Variants in NCAPD2 observed in about 807,000 individuals in gnomAD.
The protein encoded by NCAPD2 is condensin complex subunit 1.
Under a neutral mutation model 164.5 loss-of-function variants are expected in NCAPD2, and 100 were observed. The ratio of observed to expected loss-of-function variants is 0.61; its 90% confidence interval spans 0.52 to 0.72. NCAPD2 has a LOEUF of 0.72. Ranked by LOEUF, NCAPD2 falls within the 30% of genes least tolerant of loss-of-function variation. NCAPD2 has a pLI of 0.00. For missense variants in NCAPD2, 1,560 were observed against 1,749.2 expected, an observed-to-expected ratio of 0.89 and a Z score of 1.93; for synonymous variants, 585 against 642.6, an observed-to-expected ratio of 0.91 and a Z score of 1.36.
At chr12:6,516,695 C>A in intron 9 of NCAPD2, 133 bp from the exon 10 acceptor site, 1 of 859,994 alleles carries the variant, frequency 1.2e-6, no homozygotes, top group Non-Finnish European at 1.8e-6. Flanking sequence ...GCAACAAGTC[C>A]TCTTTGGGAT....
intron 2 of NCAPD2, among the ~76,000 whole-genome samples, chr12:6,502,719 CAGG>C (rs1482920450): frequency 6.6e-6 from 1 of 152,102 alleles, no homozygotes; most frequent in East Asian, 1.9e-4. Context: ...AAGGCTGGGG[CAGG>C]AGGATCGCTT....
chr12:6,531,213 C>A lies in NCAPD2; in HGVS notation c.4121-114C>A. On this transcript the variant is annotated intron_variant, in intron 31 of 31. Transcript: ENST00000315579. The surrounding 1 kb of genome is among the most constrained non-coding windows in gnomAD (Gnocchi z 4.1). Reference sequence around the variant, plus strand: ...CCGCAGAAGGGCCTCTCCTGTACAGCTTGGATTTTATTTCTTCTGTGCGGT... The same window carrying A: ...CCGCAGAAGGGCCTCTCCTGTACAGATTGGATTTTATTTCTTCTGTGCGGT... The A allele has an allele frequency of 6.8e-7, 1 of 1,481,170 alleles. No individual in the cohort carries two copies. Among genetic ancestry groups the A allele is most frequent in the Non-Finnish European group, 9.3e-7 (1 of 1,078,876 alleles). 91.8% of individuals were successfully genotyped at this position (1,481,170 alleles called of 1,614,324 possible).
chr12:6,518,518 T>TTTTTTTTTTTTTTTTTTTTG, intron 13 of NCAPD2, among the ~76,000 whole-genome samples: 1 of 112,972 alleles, frequency 8.9e-6, no homozygotes, highest in Non-Finnish European at 1.8e-5. Flanking sequence ...TTTTTTTTTT[T>TTTTTTTTTTTTTTTTTTTTG]TTTTTTTTTT....
intron 17 of NCAPD2, 56 bp from the exon 18 acceptor site, chr12:6,525,526 AC>A: frequency 6.4e-7 from 1 of 1,563,472 alleles, no homozygotes; most frequent in South Asian, 1.1e-5. Flanking sequence ...AGAAAAGCAG[AC>A]CAAAGATCAA....
chr12:6,496,062 T>TC (rs1945980585), intron 2 of NCAPD2, among the ~76,000 whole-genome samples: 1 of 149,124 alleles, frequency 6.7e-6, no homozygotes, highest in Admixed American at 6.6e-5. Flanking sequence ...TGTTTTTCTT[T>TC]TTTTTTTTTT....
intron 13 of NCAPD2, among the ~76,000 whole-genome samples, chr12:6,519,132 C>T (rs904205774): frequency 2.0e-5 from 3 of 152,230 alleles, no homozygotes; most frequent in Admixed American, 1.3e-4. Flanking sequence ...CCTCGTGATC[C>T]GCCTGCCTCG....
rs1946357075 is a variant in NCAPD2 at position 6,530,034 on chromosome 12, C to T, written c.3837+76C>T. ...ACATCTGCCGGCCCTGGGCAGCATA[C>T]GGCTCTTGCAGTCACCTTCCCGTCC... On this transcript the variant is annotated intron_variant, in intron 29 of 31. Coordinates refer to ENST00000315579, the MANE Select transcript of NCAPD2 (RefSeq NM_014865.4). 9 of 1,498,172 alleles carry T rather than the reference C, an allele frequency of 6.0e-6. No homozygotes were observed. In the South Asian group the frequency reaches 6.4e-5, roughly 11 times the overall value. 92.8% of individuals were successfully genotyped at this position (1,498,172 alleles called of 1,614,324 possible).
At chr12:6,511,832 A>G (rs1946150778) in intron 6 of NCAPD2, among the ~76,000 whole-genome samples, 1 of 151,554 alleles carries the variant, frequency 6.6e-6, no homozygotes, top group Non-Finnish European at 1.5e-5. Flanking sequence ...AAAAATATGA[A>G]AATTAGCTGT....
rs1461203124 is a variant in NCAPD2 at position 6,504,220 on chromosome 12, TATAG to T, written c.128-5493_128-5490del. ...ATATATATATATATATATATATAGA[TATAG>T]ATATATATATATATATATACCATTG... On this transcript the variant is annotated intron_variant, in intron 2 of 31. Transcript: ENST00000315579. Among the ~76,000 whole-genome samples the T allele has an allele frequency of 3.7e-3, 94 of 25,338 alleles. 1 individual carries two copies. The highest frequency in any genetic ancestry group is 0.027 in the African/African-American group (83 of 3,074). 16.6% of individuals were successfully genotyped at this position (25,338 alleles called of 152,430 possible).
At position 6,516,973 on chromosome 12, in the gene NCAPD2, C is replaced by T. The variant is rs1946207612; in HGVS notation, c.1133C>T (p.Ser378Phe). The T allele has an allele frequency of 6.2e-7, 1 of 1,614,036 alleles. No homozygotes were observed. Among genetic ancestry groups the T allele is most frequent in the Non-Finnish European group, 8.5e-7 (1 of 1,180,038 alleles). The change falls in exon 10 of 32, where the codon TCC becomes TTC. Residue 378 changes from serine (S) to phenylalanine (F), a missense_variant. Ser to Phe is a radical substitution (Grantham distance 155). Coordinates refer to ENST00000315579, the MANE Select transcript of NCAPD2 (RefSeq NM_014865.4). Reference sequence around the variant, plus strand: ...CAAGCCCATGGCCATGATGTCAACTCCTTTGTGCGGAGCCGTGTTTTGCAG... The same window carrying T: ...CAAGCCCATGGCCATGATGTCAACTTCTTTGTGCGGAGCCGTGTTTTGCAG... ...TLQAHGHDVN[S>F]FVRSRVLQLF... is the part of the protein sequence containing the mutation.
Position 6,514,805 on chromosome 12 carries a change from G to A in NCAPD2, c.872G>A (p.Ser291Asn). The change falls in exon 9 of 32, where the codon AGT becomes AAT. Residue 291 changes from serine (S) to asparagine (N), a missense_variant. Ser to Asn is a conservative substitution (Grantham distance 46). Coordinates refer to ENST00000315579, the MANE Select transcript of NCAPD2 (RefSeq NM_014865.4). ...EIGQKCPQEL[S>N]RDPSGTKGFA... ...GGACAAAAGTGTCCCCAAGAGCTGAGTCGAGACCCTTCAGGGACAAAGGGC... is the reference window on the plus strand; with the variant it reads ...GGACAAAAGTGTCCCCAAGAGCTGAATCGAGACCCTTCAGGGACAAAGGGC... 3 of 1,614,248 alleles carry A rather than the reference G, an allele frequency of 1.9e-6. No homozygotes were observed. Among genetic ancestry groups the A allele is most frequent in the African/African-American group, 2.7e-5 (2 of 75,056 alleles).
Position 6,513,715 on chromosome 12 carries a change from CTTT to C in NCAPD2, c.588-534_588-532del, listed in dbSNP as rs71067124. On this transcript the variant is annotated intron_variant, in intron 6 of 31. Transcript: ENST00000315579. ...AATGAGAAGTCATTGGTGACTTTGTCTTTTTTTTTTTTTTTTTTGTGATGGAGT... is the reference window on the plus strand; with the variant it reads ...AATGAGAAGTCATTGGTGACTTTGTCTTTTTTTTTTTTTTTGTGATGGAGT... 3.9e-4 allele frequency among the ~76,000 whole-genome samples: 29 copies of C among 74,872 alleles called. 1 individual carries two copies. The highest frequency in any genetic ancestry group is 1.1e-3 in the East Asian group (4 of 3,562). 49.1% of individuals were successfully genotyped at this position (74,872 alleles called of 152,430 possible). A position where few individuals can be genotyped will look rare whatever the true frequency, so the allele number is the denominator to read the frequency against.
chr12:6,511,070 T>C, intron 5 of NCAPD2, 40 bp from the exon 6 acceptor site: 2 of 1,605,636 alleles, frequency 1.2e-6, no homozygotes, highest in African/African-American at 1.3e-5. Flanking sequence ...CCCACTTTTT[T>C]CCCTTATTTT....
Position 6,529,900 on chromosome 12 carries a change from T to C in NCAPD2, c.3779T>C (p.Phe1260Ser), listed in dbSNP as rs1453177336. 6.2e-7 allele frequency: 1 copy of C among 1,614,274 alleles called. No individual in the cohort carries two copies. Among genetic ancestry groups the C allele is most frequent in the Admixed American group, 1.7e-5 (1 of 60,036 alleles). The change falls in exon 29 of 32, where the codon TTC becomes TCC. Residue 1260 changes from phenylalanine (F) to serine (S), a missense_variant. Physicochemically the swap from Phe to Ser is radical, Grantham distance 155. Transcript: ENST00000315579. The stretch of plus-strand genomic sequence containing the variant: ...GACAAACTGTCAGATGAGTCCATCT[T>C]CAGTGCTTTTTTGTCAGTTGTAGGC... ...FGDKLSDESI[F>S]SAFLSVVGKL...
intron 17 of NCAPD2, 103 bp from the exon 18 acceptor site, chr12:6,525,480 T>C: frequency 7.5e-7 from 1 of 1,337,786 alleles, no homozygotes; most frequent in Non-Finnish European, 1.0e-6. Context: ...TCCTAAGTAT[T>C]ACTTTTGTCT....
intron 28 of NCAPD2, 36 bp downstream of exon 28, chr12:6,529,629 C>CG (rs748457446): frequency 3.8e-5 from 61 of 1,610,512 alleles, no homozygotes; most frequent in Middle Eastern, 1.6e-4. Flanking sequence ...TTGTGCTGAG[C>CG]GGGGCCCTGC....
Position 6,530,878 on chromosome 12 carries a change from G to T in NCAPD2, c.3965-43G>T, listed in dbSNP as rs560784891. 5.6e-6 allele frequency: 9 copies of T among 1,613,164 alleles called. 1 individual carries two copies. The African/African-American group carries it at 1.2e-4, about 22-fold the overall frequency. ...GGGCCCTCCCCTCCTGCAGTGATTTGTTTCTTCTTCTTTTTTAAATCACGT... is the reference window on the plus strand; with the variant it reads ...GGGCCCTCCCCTCCTGCAGTGATTTTTTTCTTCTTCTTTTTTAAATCACGT... On this transcript the variant is annotated intron_variant, in intron 30 of 31. Coordinates refer to ENST00000315579, the MANE Select transcript of NCAPD2 (RefSeq NM_014865.4).
At position 6,522,970 on chromosome 12, in the gene NCAPD2, A is replaced by C. The variant is rs777143284; in HGVS notation, c.2097A>C (p.Gln699His). 1.2e-6 allele frequency: 2 copies of C among 1,613,828 alleles called. No individual in the cohort carries two copies. The highest frequency in any genetic ancestry group is 1.1e-5 in the South Asian group (1 of 91,040). ...VREAVLNAYR[Q>H]LYLNPKGDSA... ...AAGCCGTGCTTAATGCCTACCGCCA[A>C]CTCTACCTCAACCCCAAAGGGGACT... The change falls in exon 16 of 32, where the codon CAA (glutamine) becomes CAC (histidine). Residue 699 changes from glutamine to histidine, a missense_variant. Physicochemically the swap from Gln to His is conservative, Grantham distance 24. Coordinates refer to ENST00000315579, the MANE Select transcript of NCAPD2 (RefSeq NM_014865.4).
In NCAPD2 at chr12:6,526,208, G is replaced by A. The variant is rs10849483; in HGVS notation, c.2481+8G>A. The A allele has an allele frequency of 0.23, 363,790 of 1,613,884 alleles. 44,322 individuals carry two copies. Among genetic ancestry groups the A allele is most frequent in the Non-Finnish European group, 0.25 (296,782 of 1,179,932 alleles). On this transcript the variant is annotated splice_region_variant and intron_variant, in intron 19 of 31. Coordinates refer to ENST00000315579, the MANE Select transcript of NCAPD2 (RefSeq NM_014865.4). Reference sequence around the variant, plus strand: ...ATCTCGGACAGGAGAAAGGTATGTGGGGGTGGTTCCAAACTAAGGAGAGTG... The same window carrying A: ...ATCTCGGACAGGAGAAAGGTATGTGAGGGTGGTTCCAAACTAAGGAGAGTG...
Sources: allele counts gnomAD v4.1 joint callset (sites outside exome capture counted in the v4.1 genomes callset), GRCh38; gene constraint gnomAD v4.1.1; non-coding constraint Gnocchi (gnomAD v3.1); transcripts MANE v1.5; gene names NCBI Gene and HGNC (gene_info 2026-07-23, HGNC 2026-07-21).